OXSR1: variants seen among roughly 807,000 people sequenced by gnomAD.
The protein encoded by OXSR1 is serine/threonine-protein kinase OSR1.
In OXSR1, 24 loss-of-function variants were observed where a neutral mutation model predicts 79.8. The ratio of observed to expected loss-of-function variants is 0.30; its 90% CI spans 0.22 to 0.42. The LOEUF is 0.42. OXSR1 is among the 10% of genes least tolerant of loss of function. The pLI is 1.00. For missense variants in OXSR1, 430 were observed against 618.4 expected (o/e 0.70, Z 3.23); for synonymous variants, 226 against 209.2 (o/e 1.08, Z -0.69).
intron 3 of OXSR1, among the ~76,000 whole-genome samples, chr3:38,197,770 G>A (rs34619519): frequency 0.084 from 12,825 of 152,188 alleles, 699 homozygotes; most frequent in African/African-American, 0.15. Flanking sequence ...TCTTGTTAAA[G>A]TGTGTGAAGT....
chr3:38,201,649 G>T (rs1702166828), intron 4 of OXSR1, among the ~76,000 whole-genome samples: 1 of 152,112 alleles, frequency 6.6e-6, no homozygotes, highest in Non-Finnish European at 1.5e-5. Flanking sequence ...GACGGAGCTT[G>T]TGGTGAGCCG....
In OXSR1 at chr3:38,198,590, A is replaced by T. The variant is rs183277647; in HGVS notation, c.293-132A>T. ...TAATTTTAAACTTCTGTATTTCCTC[A>T]TATTTGCTGTTTTTTTCATTTCTGC... On this transcript the variant is annotated intron_variant, in intron 3 of 17. Coordinates refer to ENST00000311806, the MANE Select transcript of OXSR1 (RefSeq NM_005109.3). 3.4e-5 allele frequency: 20 copies of T among 580,814 alleles called. No homozygotes were observed. The Admixed American group carries it at 6.4e-4, about 19-fold the overall frequency. 36.0% of individuals were successfully genotyped at this position (580,814 alleles called of 1,614,324 possible). A position where few individuals can be genotyped will look rare whatever the true frequency, so the allele number is the denominator to read the frequency against.
chr3:38,195,438 T>C (rs968915305), intron 3 of OXSR1, among the ~76,000 whole-genome samples: 1 of 152,196 alleles, frequency 6.6e-6, no homozygotes, highest in East Asian at 1.9e-4. Context: ...TGCAGGGTTT[T>C]AAAATTTCTG....
At chr3:38,244,637 C>G (rs1362950730) in intron 12 of OXSR1, among the ~76,000 whole-genome samples, 2 of 99,400 alleles carry the variant, frequency 2.0e-5, no homozygotes, top group Admixed American at 9.7e-5. Flanking sequence ...TAATATTCCT[C>G]TGTGTGTGTG....
chr3:38,241,448 A>G (rs1703032223), intron 11 of OXSR1, among the ~76,000 whole-genome samples: 1 of 152,172 alleles, frequency 6.6e-6, no homozygotes, highest in African/African-American at 2.4e-5. Flanking sequence ...TTACGCTATA[A>G]ATTAGATAAA....
intron 10 of OXSR1, among the ~76,000 whole-genome samples, chr3:38,231,522 C>G (rs1399896105): frequency 3.3e-5 from 5 of 152,092 alleles, no homozygotes; most frequent in Admixed American, 6.6e-5. Flanking sequence ...TCTCTGATTA[C>G]TAAAACAGTA....
intron 11 of OXSR1, among the ~76,000 whole-genome samples, chr3:38,239,498 T>C (rs926432483): frequency 6.6e-6 from 1 of 152,212 alleles, no homozygotes; most frequent in Admixed American, 6.5e-5. Flanking sequence ...TCCCCATTAC[T>C]GAGACAAGAC....
intron 4 of OXSR1, among the ~76,000 whole-genome samples, chr3:38,213,112 G>A (rs905593195): frequency 6.6e-6 from 1 of 152,118 alleles, no homozygotes; most frequent in Non-Finnish European, 1.5e-5. Flanking sequence ...ACTTATGAAA[G>A]ACTAAAACTT....
chr3:38,173,643 A>G (rs1410759292), intron 1 of OXSR1, among the ~76,000 whole-genome samples: 2 of 152,244 alleles, frequency 1.3e-5, no homozygotes, highest in Admixed American at 6.5e-5. Context: ...CGATGAAATA[A>G]CACCCATGAA....
rs971239388 is a variant in OXSR1, at chr3:38,252,866, G to C, written c.1559G>C (p.Gly520Ala). The C allele has an allele frequency of 1.2e-6, 2 of 1,613,738 alleles. No individual in the cohort carries two copies. Among genetic ancestry groups the C allele is most frequent in the East Asian group, 2.2e-5 (1 of 44,882 alleles). Residue 520 changes from glycine to alanine, a missense_variant, in exon 18 of 18, where the codon GGA becomes GCA. Gly to Ala is a moderately conservative substitution (Grantham distance 60, BLOSUM62 0). Around this residue, in one of 3 missense-constraint regions of OXSR1, gnomAD observed 276 missense variants for 354.2 expected, o/e 0.78. Transcript: ENST00000311806. ...ATTCCTGATGATGGTAAACTGATAG[G>C]ATTTGCCCAGCTCAGCATCAGCTAA... ...SDIPDDGKLI[G>A]FAQLSIS is the part of the protein sequence containing the mutation.
At chr3:38,224,842 TACTGG>T (rs1370122933) in intron 8 of OXSR1, 138 bp downstream of exon 8, 3 of 583,968 alleles carry the variant, frequency 5.1e-6, no homozygotes, top group Non-Finnish European at 8.7e-6. Context: ...GAGACCATTA[TACTGG>T]ATTGGAAATG....
chr3:38,224,741 A>G, intron 8 of OXSR1, 37 bp downstream of exon 8: 2 of 1,414,722 alleles, frequency 1.4e-6, no homozygotes, highest in Non-Finnish European at 1.9e-6. Context: ...TCTCTCTAAT[A>G]AAACATTGTG....
At chr3:38,172,866 A>T (rs898587910) in intron 1 of OXSR1, among the ~76,000 whole-genome samples, 2 of 152,222 alleles carry the variant, frequency 1.3e-5, no homozygotes, top group Non-Finnish European at 1.5e-5. Flanking sequence ...TATAACAAGA[A>T]GACTGGAGGT....
At chr3:38,211,765 C>G (rs1345433886) in intron 4 of OXSR1, among the ~76,000 whole-genome samples, 5 of 152,220 alleles carry the variant, frequency 3.3e-5, no homozygotes, top group Non-Finnish European at 7.3e-5. Context: ...TTCTTACCTA[C>G]TGCTCTGCCT....
chr3:38,245,283 A>T (rs1256811358), intron 12 of OXSR1, among the ~76,000 whole-genome samples: 1 of 152,224 alleles, frequency 6.6e-6, no homozygotes, highest in East Asian at 1.9e-4. Context: ...CATAATTTTG[A>T]ATATGTTTAA....
At chr3:38,240,268 A>C (rs906793511) in intron 11 of OXSR1, among the ~76,000 whole-genome samples, 8 of 152,204 alleles carry the variant, frequency 5.3e-5, no homozygotes, top group Non-Finnish European at 1.2e-4. Flanking sequence ...AACAGTTCAG[A>C]AACTCTTGTA....
rs1278753464 is a variant in OXSR1, at chr3:38,188,321, G to A, written c.184-2410G>A. 5.9e-5 allele frequency among the ~76,000 whole-genome samples: 9 copies of A among 152,024 alleles called. No individual in the cohort carries two copies. The South Asian group carries it at 1.9e-3, about 32-fold the overall frequency. Reference sequence around the variant, plus strand: ...GTTTGTACCTCTCTATTATTATCTCGACTCTTCCCTTTTCATTCATACTGT... The same window carrying A: ...GTTTGTACCTCTCTATTATTATCTCAACTCTTCCCTTTTCATTCATACTGT... On this transcript the variant is annotated intron_variant, in intron 2 of 17. Transcript: ENST00000311806.
chr3:38,210,760 A>G (rs888962774), intron 4 of OXSR1, among the ~76,000 whole-genome samples: 1 of 152,158 alleles, frequency 6.6e-6, no homozygotes, highest in Non-Finnish European at 1.5e-5. Context: ...TTGCCCTGTG[A>G]CCTCAGTCTC....
In OXSR1 at chr3:38,203,053, C is replaced by T. The variant is rs890988182; in HGVS notation, c.434+4190C>T. Among the ~76,000 whole-genome samples the T allele has an allele frequency of 3.3e-5, 5 of 152,240 alleles. No homozygotes were observed. In the East Asian group the frequency reaches 5.8e-4, roughly 18 times the overall value. Reference sequence around the variant, plus strand: ...CCGTGGTGCTGTGCTTCAGTGGTCACGCTCCTTGTCCACTTCCGTGTTCCT... The same window carrying T: ...CCGTGGTGCTGTGCTTCAGTGGTCATGCTCCTTGTCCACTTCCGTGTTCCT... On this transcript the variant is annotated intron_variant, in intron 4 of 17. Transcript: ENST00000311806.
Sources: gnomAD v4.1 joint callset for allele counts (sites outside exome capture counted in the v4.1 genomes callset) on GRCh38, gnomAD v4.1.1 for gene constraint, gnomAD v4.1.1 regional missense constraint, MANE v1.5 for transcripts, NCBI Gene and HGNC (gene_info 2026-07-23, HGNC 2026-07-21) for gene names.